The following CSMD1 variants were observed in gnomAD, a reference collection of about 807,000 sequenced individuals.
CSMD1 encodes the protein CUB and sushi domain-containing protein 1.
Under a neutral mutation model 417.5 loss-of-function variants are expected in CSMD1, and 213 were observed. That is an observed-to-expected ratio of 0.51 (90% confidence interval 0.46 to 0.57). CSMD1 has a LOEUF of 0.57. CSMD1 is among the 20% of genes least tolerant of loss of function. The pLI is 0.00. For synonymous variants in CSMD1, 2,862 were observed against 1,736.8 expected, an observed-to-expected ratio of 1.65 and a Z score of -16.11; for missense variants, 6,923 against 4,529.7, an observed-to-expected ratio of 1.53 and a Z score of -15.17.
chr8:4,963,268 T>G (rs1299289384), intron 1 of CSMD1, among the ~76,000 whole-genome samples: 1 of 152,172 alleles, frequency 6.6e-6, no homozygotes, highest in African/African-American at 2.4e-5. Flanking sequence ...TGGTGCAATC[T>G]TGACTCACTG....
chr8:3,307,405 G>A (rs564812471), intron 25 of CSMD1, among the ~76,000 whole-genome samples: 30 of 70,834 alleles, frequency 4.2e-4, no homozygotes, highest in Admixed American at 2.3e-3. Context: ...GGCAACCCAC[G>A]AAGTCATGAT....
intron 28 of CSMD1, among the ~76,000 whole-genome samples, chr8:3,221,210 C>A (rs541091401): frequency 6.6e-6 from 1 of 152,224 alleles, no homozygotes; most frequent in African/African-American, 2.4e-5. Flanking sequence ...ATTATGCCAA[C>A]CTGTTTTGGG....
intron 10 of CSMD1, among the ~76,000 whole-genome samples, chr8:3,552,565 G>C (rs1305557185): frequency 1.3e-5 from 2 of 152,070 alleles, no homozygotes; most frequent in Non-Finnish European, 2.9e-5. Context: ...ATAAGGTGGG[G>C]GGCATTGTGG....
intron 3 of CSMD1, among the ~76,000 whole-genome samples, chr8:4,121,995 T>A (rs1028063557): frequency 2.6e-5 from 4 of 152,062 alleles, no homozygotes; most frequent in African/African-American, 9.7e-5. Context: ...ACTAAAATAT[T>A]TTTAATCATT....
At chr8:4,273,001 G>C (rs145233806) in intron 3 of CSMD1, among the ~76,000 whole-genome samples, 65 of 152,182 alleles carry the variant, frequency 4.3e-4, no homozygotes, top group African/African-American at 1.5e-3. Flanking sequence ...AACAGCTATT[G>C]CGTCATGTAC....
intron 3 of CSMD1, among the ~76,000 whole-genome samples, chr8:4,350,539 G>C (rs750120429): frequency 6.6e-6 from 1 of 152,148 alleles, no homozygotes; most frequent in African/African-American, 2.4e-5. Flanking sequence ...GGTAGGAATG[G>C]AGGCTAATGT....
chr8:3,622,963 T>C (rs560425677), intron 7 of CSMD1, among the ~76,000 whole-genome samples: 6 of 152,344 alleles, frequency 3.9e-5, no homozygotes, highest in South Asian at 2.1e-4. Context: ...TGTTGAATTA[T>C]ATCTTTTCAG....
chr8:4,050,560 C>T (rs188599474), intron 3 of CSMD1, among the ~76,000 whole-genome samples: 1 of 152,046 alleles, frequency 6.6e-6, no homozygotes, highest in Admixed American at 6.6e-5. Context: ...ATGTTACAAA[C>T]AATCTAATCA....
chr8:2,995,931 G>T (rs907397090), intron 54 of CSMD1, among the ~76,000 whole-genome samples: 34 of 152,288 alleles, frequency 2.2e-4, no homozygotes, highest in African/African-American at 7.9e-4. Flanking sequence ...GTTTATAAGC[G>T]GAGTAAGGCG....
intron 1 of CSMD1, among the ~76,000 whole-genome samples, chr8:4,930,906 C>T (rs558332530): frequency 6.6e-6 from 1 of 152,142 alleles, no homozygotes; most frequent in East Asian, 1.9e-4. Context: ...CTGTATCCCA[C>T]CATCTAACAC....
At chr8:2,952,094 C>T (rs908838537) in intron 65 of CSMD1, among the ~76,000 whole-genome samples, 4 of 152,100 alleles carry the variant, frequency 2.6e-5, no homozygotes, top group Non-Finnish European at 4.4e-5. Flanking sequence ...GTATAAAATC[C>T]TGCCATTTTC....
intron 7 of CSMD1, among the ~76,000 whole-genome samples, chr8:3,623,755 C>G (rs1165777241): frequency 6.6e-6 from 1 of 152,078 alleles, no homozygotes; most frequent in African/African-American, 2.4e-5. Flanking sequence ...GCAGGCAGAT[C>G]ACCTGAGGTG....
In CSMD1 at chr8:3,776,738, G is replaced by A. The variant is rs972394687; in HGVS notation, c.819-22696C>T. Among the ~76,000 whole-genome samples, 6 of 148,962 alleles carry A rather than the reference G, an allele frequency of 4.0e-5. No individual in the cohort carries two copies. In the East Asian group the frequency reaches 1.2e-3, roughly 30 times the overall value. On this transcript the variant is annotated intron_variant, in intron 5 of 69. Coordinates refer to ENST00000635120, the MANE Select transcript of CSMD1 (RefSeq NM_033225.6). Reference sequence around the variant, plus strand: ...TGATAGATACATTAGGTAGATGACAGATAAAGATAGGCAGAAAAAAGATAC... The same window carrying A: ...TGATAGATACATTAGGTAGATGACAAATAAAGATAGGCAGAAAAAAGATAC...
intron 2 of CSMD1, among the ~76,000 whole-genome samples, chr8:4,554,049 G>C (rs141400720): frequency 6.6e-6 from 1 of 152,276 alleles, no homozygotes; most frequent in African/African-American, 2.4e-5. Context: ...TTATATCCCT[G>C]CTGTCTCGTC....
At chr8:4,351,346 T>C (rs1159152630) in intron 3 of CSMD1, among the ~76,000 whole-genome samples, 1 of 152,186 alleles carries the variant, frequency 6.6e-6, no homozygotes, top group Non-Finnish European at 1.5e-5. Flanking sequence ...TCAATGAAAA[T>C]TTGAGGCATC....
At chr8:4,870,238 T>C (rs2116910628) in intron 1 of CSMD1, among the ~76,000 whole-genome samples, 1 of 152,220 alleles carries the variant, frequency 6.6e-6, no homozygotes, top group South Asian at 2.1e-4. Context: ...AACTCAAAAG[T>C]AAAAACTGGA....
In CSMD1 at chr8:2,991,452, G is replaced by C. The variant is rs1000387340; in HGVS notation, c.8377+6559C>G. 2.0e-5 allele frequency among the ~76,000 whole-genome samples: 3 copies of C among 152,078 alleles called. No individual in the cohort carries two copies. The East Asian group carries it at 5.8e-4, about 29-fold the overall frequency. On this transcript the variant is annotated intron_variant, in intron 54 of 69. Coordinates refer to ENST00000635120, the MANE Select transcript of CSMD1 (RefSeq NM_033225.6). ...GTTTATATTCATCAAAATGAAACCA[G>C]AATCATTTTCTAAAAGGCCAGATAT...
chr8:3,106,862 T>C (rs1816180886), intron 45 of CSMD1: 1 of 376,508 alleles, frequency 2.7e-6, no homozygotes, highest in Non-Finnish European at 4.7e-6. Flanking sequence ...ACTGAAATGA[T>C]GTGGCAGCTT....
At chr8:4,411,433 A>C (rs1796644960) in intron 3 of CSMD1, among the ~76,000 whole-genome samples, 1 of 152,160 alleles carries the variant, frequency 6.6e-6, no homozygotes, top group South Asian at 2.1e-4. Context: ...ACAGCAAAGG[A>C]CTTTTAATTA....
Sources: allele counts gnomAD v4.1 joint callset (sites outside exome capture counted in the v4.1 genomes callset), GRCh38; gene constraint gnomAD v4.1.1; transcripts MANE v1.5; gene names NCBI Gene and HGNC (gene_info 2026-07-23, HGNC 2026-07-21).